The following XPR1 variants were observed in gnomAD, a reference collection of about 807,000 sequenced individuals.
XPR1 encodes the protein xenotropic and polytropic retrovirus receptor 1, also known as solute carrier family 53 member 1.
Under a neutral mutation model 87.5 loss-of-function variants are expected in XPR1, and 28 were observed. The ratio of observed to expected loss-of-function variants is 0.32; its 90% CI spans 0.24 to 0.44. The LOEUF is 0.44. XPR1 is among the 20% of genes least tolerant of loss of function. The probability of loss-of-function intolerance (pLI) is 1.00; values close to 1 mark genes in which losing one functional copy is unlikely to be tolerated. For missense variants in XPR1, 559 were observed against 862.3 expected (o/e 0.65, Z 4.41); for synonymous variants, 300 against 306.1 (o/e 0.98, Z 0.21).
chr1:180,713,185 A>G (rs1393030560), intron 2 of XPR1, among the ~76,000 whole-genome samples: 5 of 152,070 alleles, frequency 3.3e-5, no homozygotes, highest in East Asian at 3.8e-4. Flanking sequence ...GTTTTGTAGT[A>G]TATGGGTTTT....
intron 2 of XPR1, among the ~76,000 whole-genome samples, chr1:180,721,221 CAAA>C (rs113624114): frequency 9.3e-6 from 1 of 107,730 alleles, no homozygotes; most frequent in Non-Finnish European, 2.0e-5. Context: ...AACTCTGTCT[CAAA>C]AAAAAAAAAA....
intron 2 of XPR1, among the ~76,000 whole-genome samples, chr1:180,775,642 T>G (rs561882543): frequency 3.3e-5 from 5 of 152,172 alleles, no homozygotes; most frequent in Admixed American, 6.5e-5. Context: ...CTTAACAAAA[T>G]GACTTTAAAT....
intron 13 of XPR1, 71 bp downstream of exon 13, chr1:180,874,013 G>T (rs1411269744): frequency 7.0e-7 from 1 of 1,432,766 alleles, no homozygotes; most frequent in Non-Finnish European, 9.4e-7. Context: ...TTACAAATTA[G>T]AATTTATTAT....
At chr1:180,681,882 T>A (rs1015819308) in intron 1 of XPR1, among the ~76,000 whole-genome samples, 2 of 152,186 alleles carry the variant, frequency 1.3e-5, no homozygotes, top group Non-Finnish European at 2.9e-5. Flanking sequence ...GGAGAATGGT[T>A]GCACAACAAT....
chr1:180,647,133 A>G lies in XPR1; in HGVS notation c.69+14863A>G, dbSNP rs537676129. 2.0e-5 allele frequency among the ~76,000 whole-genome samples: 3 copies of G among 152,336 alleles called. No individual in the cohort carries two copies. In the East Asian group the frequency reaches 5.8e-4, roughly 29 times the overall value. Reference sequence around the variant, plus strand: ...CCTAGATCCCTCGCATGCGCAGTTCACAATAGGGTTCACCCTCCTATAAGA... The same window carrying G: ...CCTAGATCCCTCGCATGCGCAGTTCGCAATAGGGTTCACCCTCCTATAAGA... On this transcript the variant is annotated intron_variant, in intron 1 of 14. Coordinates refer to ENST00000367590, the MANE Select transcript of XPR1 (RefSeq NM_004736.4).
chr1:180,854,092 T>C (rs1265906816), intron 11 of XPR1, among the ~76,000 whole-genome samples: 2 of 152,218 alleles, frequency 1.3e-5, no homozygotes, highest in Non-Finnish European at 2.9e-5. Context: ...AATAGGGGTT[T>C]TGCTTTATCT....
At chr1:180,648,395 C>T (rs1422719173) in intron 1 of XPR1, among the ~76,000 whole-genome samples, 1 of 152,150 alleles carries the variant, frequency 6.6e-6, no homozygotes, top group African/African-American at 2.4e-5. Context: ...TGGTTCACTG[C>T]CCATGTGCAT....
At chr1:180,839,718 T>C (rs1303321598) in intron 11 of XPR1, among the ~76,000 whole-genome samples, 1 of 152,146 alleles carries the variant, frequency 6.6e-6, no homozygotes, top group Admixed American at 6.5e-5. Context: ...GACTAGGGGT[T>C]GGAGGGGGGC....
In XPR1 at chr1:180,884,283, A is replaced by G. The variant is rs1061014; in HGVS notation, c.*217A>G. 5.4e-4 allele frequency: 257 copies of G among 471,588 alleles called. 8 individuals carry two copies. The South Asian group carries it at 5.7e-3, about 10-fold the overall frequency. The allele number at this position is 471,588 out of a possible 1,614,324, so 29.2% of individuals were successfully genotyped here. On this transcript the variant is annotated 3_prime_UTR_variant, in exon 15 of 15. Coordinates refer to ENST00000367590, the MANE Select transcript of XPR1 (RefSeq NM_004736.4). ...TTTTAATTTTCTATTTTCAAAACAA[A>G]TATTTACTTCATTTGCCAATCAGAG...
At chr1:180,828,795 C>T (rs935056947) in intron 9 of XPR1, among the ~76,000 whole-genome samples, 11 of 152,124 alleles carry the variant, frequency 7.2e-5, no homozygotes, top group African/African-American at 2.4e-4. Context: ...CCCAGGCAGT[C>T]GTTTATAATC....
intron 2 of XPR1, among the ~76,000 whole-genome samples, chr1:180,704,120 GCAT>G (rs1296189821): frequency 6.6e-6 from 1 of 150,930 alleles, no homozygotes; most frequent in Non-Finnish European, 1.5e-5. Context: ...CTCCTGTGGT[GCAT>G]CTTAGCATAG....
chr1:180,879,475 C>A (rs1652774860), intron 13 of XPR1, among the ~76,000 whole-genome samples: 1 of 152,168 alleles, frequency 6.6e-6, no homozygotes, highest in African/African-American at 2.4e-5. Context: ...TTATTCTTAG[C>A]CCCCACTGAC....
intron 2 of XPR1, among the ~76,000 whole-genome samples, chr1:180,754,565 A>T (rs948182399): frequency 1.3e-5 from 2 of 151,980 alleles, no homozygotes; most frequent in Admixed American, 1.3e-4. Flanking sequence ...GGCTCAATCA[A>T]TCCGCCCACC....
chr1:180,707,971 G>A (rs1657612496), intron 2 of XPR1, among the ~76,000 whole-genome samples: 1 of 152,084 alleles, frequency 6.6e-6, no homozygotes, highest in Non-Finnish European at 1.5e-5. Flanking sequence ...TCTTGTTGAG[G>A]TCTTTTAGAA....
At chr1:180,658,627 C>T (rs1374851894) in intron 1 of XPR1, among the ~76,000 whole-genome samples, 5 of 151,778 alleles carry the variant, frequency 3.3e-5, no homozygotes, top group East Asian at 1.9e-4. Flanking sequence ...TGCAGTGGCG[C>T]GATCTTGGCT....
chr1:180,756,665 T>C (rs980948821), intron 2 of XPR1, among the ~76,000 whole-genome samples: 9 of 152,228 alleles, frequency 5.9e-5, no homozygotes, highest in African/African-American at 1.7e-4. Context: ...TCATTCATTG[T>C]GCTTTTAATG....
At chr1:180,818,204 TTTTCC>T (rs1173665074) in intron 7 of XPR1, among the ~76,000 whole-genome samples, 1 of 152,226 alleles carries the variant, frequency 6.6e-6, no homozygotes, top group East Asian at 1.9e-4. Context: ...TTTGTGGTTC[TTTTCC>T]TATACACATA....
chr1:180,791,659 A>T (rs979177132), intron 3 of XPR1, among the ~76,000 whole-genome samples: 12 of 152,242 alleles, frequency 7.9e-5, no homozygotes, highest in Non-Finnish European at 1.5e-5. Flanking sequence ...GTATGCATCT[A>T]TATGTGTGTG....
chr1:180,873,476 A>G (rs1558046900), intron 12 of XPR1, among the ~76,000 whole-genome samples: 1 of 152,252 alleles, frequency 6.6e-6, no homozygotes, highest in Non-Finnish European at 1.5e-5. Context: ...ATCTCAATCA[A>G]TCAAGGATCT....
Sources: allele counts gnomAD v4.1 joint callset (sites outside exome capture counted in the v4.1 genomes callset), GRCh38; gene constraint gnomAD v4.1.1; transcripts MANE v1.5; gene names NCBI Gene and HGNC (gene_info 2026-07-23, HGNC 2026-07-21).